The following JPH2 variants were observed in gnomAD, a reference collection of about 807,000 sequenced individuals.
The protein encoded by JPH2 is junctophilin 2, also known as junctophilin-2.
JPH2 carries 38 observed loss-of-function variants against 55.9 expected under a neutral mutation model. The ratio of observed to expected loss-of-function variants is 0.68; its 90% CI spans 0.52 to 0.89. The LOEUF is 0.89. JPH2 is among the 40% of genes least tolerant of loss of function. The pLI, the probability that JPH2 is intolerant of heterozygous loss-of-function variation, is 0.00. For synonymous variants in JPH2, 480 were observed against 472.4 expected, an observed-to-expected ratio of 1.02 and a Z score of -0.21; for missense variants, 964 against 1,037.6, an observed-to-expected ratio of 0.93 and a Z score of 0.97.
chr20:44,177,661 T>A, intron 1 of JPH2: 1 of 1,230,572 alleles, frequency 8.1e-7, no homozygotes, highest in Non-Finnish European at 1.0e-6. Flanking sequence ...ATGCTGATTC[T>A]ACATTCGAAA....
rs908822367 is a variant in JPH2 at position 44,107,381 on chromosome 20, C to T, written c.*6137G>A. The stretch of plus-strand genomic sequence containing the variant: ...CATCCTTCTCTTCTCCCTGAGGACA[C>T]ATGTAGTCCGTATTTCCCAGCCTCC... On this transcript the variant is annotated 3_prime_UTR_variant, in exon 6 of 6. Coordinates refer to ENST00000372980, the MANE Select transcript of JPH2 (RefSeq NM_020433.5). Among the ~76,000 whole-genome samples the T allele has an allele frequency of 4.6e-5, 7 of 152,168 alleles. No individual in the cohort carries two copies. The highest frequency in any genetic ancestry group is 1.7e-4 in the African/African-American group (7 of 41,428).
chr20:44,162,224 T>C (rs2072616028), intron 1 of JPH2, among the ~76,000 whole-genome samples: 1 of 152,218 alleles, frequency 6.6e-6, no homozygotes, highest in South Asian at 2.1e-4. Flanking sequence ...GCAAGATGGC[T>C]GAGTAGACAA....
Position 44,171,412 on chromosome 20 carries a change from AAC to A in JPH2, c.380-11007_380-11006del, listed in dbSNP as rs1468664917. ...ACCCAGCCAGGATCTGTCAGCTGCTAACACTCCTGGCAGCTCGGGGAATGTGT... is the reference window on the plus strand; with the variant it reads ...ACCCAGCCAGGATCTGTCAGCTGCTAACTCCTGGCAGCTCGGGGAATGTGT... On this transcript the variant is annotated intron_variant, in intron 1 of 5. Transcript: ENST00000372980. Among the ~76,000 whole-genome samples, 19 of 152,288 alleles carry A rather than the reference AAC, an allele frequency of 1.2e-4. No homozygotes were observed. The East Asian group carries it at 3.7e-3, about 29-fold the overall frequency.
intron 2 of JPH2, among the ~76,000 whole-genome samples, chr20:44,147,789 G>C (rs1302825395): frequency 6.6e-6 from 1 of 152,200 alleles, no homozygotes; most frequent in Non-Finnish European, 1.5e-5. Context: ...AGCAGCACAG[G>C]GTGGTGGCTC....
chr20:44,162,329 T>G (rs1430828215), intron 1 of JPH2, among the ~76,000 whole-genome samples: 2 of 152,146 alleles, frequency 1.3e-5, no homozygotes, highest in East Asian at 3.8e-4. Context: ...ATCCTTCAAG[T>G]CTTTGCTCAA....
chr20:44,158,060 T>C (rs781280479), intron 2 of JPH2, among the ~76,000 whole-genome samples: 17 of 152,320 alleles, frequency 1.1e-4, no homozygotes, highest in Non-Finnish European at 1.8e-4. Flanking sequence ...TGAGTTAATA[T>C]AGGTAAAGAC....
chr20:44,114,774 G>C lies in JPH2; in HGVS notation c.*14+8C>G. The C allele has an allele frequency of 6.3e-7, 1 of 1,585,282 alleles. No individual in the cohort carries two copies. The highest frequency in any genetic ancestry group is 8.6e-7 in the Non-Finnish European group (1 of 1,164,580). On this transcript the variant is annotated splice_region_variant and intron_variant, in intron 5 of 5. Transcript: ENST00000372980. ...CCCCCAACCCCTCCTCCAGCCAGCT[G>C]GCTGCACCTGGTAAGCGACGGTCAG...
chr20:44,177,111 C>T, intron 1 of JPH2: 2 of 985,562 alleles, frequency 2.0e-6, no homozygotes, highest in Non-Finnish European at 2.4e-6. Flanking sequence ...TCCCTTTAAG[C>T]AGGGAGTGAA....
At chr20:44,128,175 C>G (rs1358185921) in intron 2 of JPH2, among the ~76,000 whole-genome samples, 1 of 152,064 alleles carries the variant, frequency 6.6e-6, no homozygotes, top group Non-Finnish European at 1.5e-5. Flanking sequence ...GAAGGTTTTG[C>G]CTAATCCAAG....
At chr20:44,138,104 C>T (rs1042474324) in intron 2 of JPH2, among the ~76,000 whole-genome samples, 18 of 150,422 alleles carry the variant, frequency 1.2e-4, no homozygotes, top group African/African-American at 4.2e-4. Context: ...GCCTCCCGGG[C>T]TCAAGCAATT....
At position 44,116,189 on chromosome 20, in the gene JPH2, G is replaced by A. The variant is rs863224775; in HGVS notation, c.1486C>T (p.Arg496Trp). The A allele has an allele frequency of 9.4e-6, 13 of 1,390,288 alleles. No individual in the cohort carries two copies. In the African/African-American group the frequency reaches 1.5e-4, roughly 16 times the overall value. 86.1% of individuals were successfully genotyped at this position (1,390,288 alleles called of 1,614,324 possible). The change falls in exon 4 of 6, where the codon CGG (arginine) becomes TGG (tryptophan). Residue 496 changes from arginine to tryptophan, a missense_variant. Coordinates refer to ENST00000372980, the MANE Select transcript of JPH2 (RefSeq NM_020433.5). ...TCCTTGGACACCCCGGGCCTGGGCC[G>A]CTTGGGCTGCGGGGGCGTCCCGGCC... ...SPAGTPPQPKRPRPGVSKDGL... is the reference protein window; with the variant it reads ...SPAGTPPQPKWPRPGVSKDGL...
At position 44,111,997 on chromosome 20, in the gene JPH2, T is replaced by A. The variant is rs930667706; in HGVS notation, c.*1521A>T. 1.3e-5 allele frequency: 2 copies of A among 152,348 alleles called. No individual in the cohort carries two copies. Among genetic ancestry groups the A allele is most frequent in the African/African-American group, 4.8e-5 (2 of 41,454 alleles). 9.4% of individuals were successfully genotyped at this position (152,348 alleles called of 1,614,324 possible). On this transcript the variant is annotated 3_prime_UTR_variant, in exon 6 of 6. Transcript: ENST00000372980. ...TGAGGATGGAAGAATCTGCAGGTTC[T>A]TCTCCATGAAAATACAGTCCTGGAT...
At chr20:44,138,232 T>C (rs1005040710) in intron 2 of JPH2, among the ~76,000 whole-genome samples, 1 of 151,964 alleles carries the variant, frequency 6.6e-6, no homozygotes, top group African/African-American at 2.4e-5. Context: ...GGTCTCGAAC[T>C]CCTGACCTCG....
Position 44,116,021 on chromosome 20 carries a change from G to T in JPH2, c.1654C>A (p.Pro552Thr). The T allele has an allele frequency of 6.3e-7, 1 of 1,580,852 alleles. No homozygotes were observed. Among genetic ancestry groups the T allele is most frequent in the Non-Finnish European group, 8.5e-7 (1 of 1,171,856 alleles). ...ACCTCCGGCTCCCGCGACGGCGCAGGCGGTGCCTGCAGAGCCTCGATGGCC... is the reference window on the plus strand; with the variant it reads ...ACCTCCGGCTCCCGCGACGGCGCAGTCGGTGCCTGCAGAGCCTCGATGGCC... ...RMAIEALQAPPAPSREPEVAL... is the reference protein window; with the variant it reads ...RMAIEALQAPTAPSREPEVAL... The change falls in exon 4 of 6, where the codon CCT becomes ACT. Residue 552 changes from proline to threonine, a missense_variant. By Grantham distance (38) the Pro-to-Thr change is conservative. Transcript: ENST00000372980.
rs775973946 is a variant in JPH2 at position 44,108,223 on chromosome 20, C to T, written c.*5295G>A. On this transcript the variant is annotated 3_prime_UTR_variant, in exon 6 of 6. Transcript: ENST00000372980. ...TCAATGCTGGCAAGGTAACAGATAC[C>T]GAGGACACGGGTGTTTAGCATTTGG... 5.3e-5 allele frequency among the ~76,000 whole-genome samples: 8 copies of T among 152,166 alleles called. No individual in the cohort carries two copies. The highest frequency in any genetic ancestry group is 1.2e-4 in the Non-Finnish European group (8 of 68,022).
At chr20:44,117,942 CA>C (rs1181387619) in intron 3 of JPH2, among the ~76,000 whole-genome samples, 2 of 152,242 alleles carry the variant, frequency 1.3e-5, no homozygotes, top group African/African-American at 4.8e-5. Context: ...TACCATTTTA[CA>C]GATCAGGAAA....
At chr20:44,134,897 T>C (rs1239869408) in intron 2 of JPH2, among the ~76,000 whole-genome samples, 2 of 37,402 alleles carry the variant, frequency 5.3e-5, no homozygotes, top group African/African-American at 1.1e-4. Flanking sequence ...TTAATATATA[T>C]TTATATATAT....
chr20:44,113,500 G>A lies in JPH2; in HGVS notation c.*18C>T, dbSNP rs2072162274. The A allele has an allele frequency of 6.6e-6, 1 of 152,146 alleles. No individual in the cohort carries two copies. The highest frequency in any genetic ancestry group is 1.5e-5 in the Non-Finnish European group (1 of 68,090). The allele number at this position is 152,146 out of a possible 1,614,324, so 9.4% of individuals were successfully genotyped here. On this transcript the variant is annotated 3_prime_UTR_variant, in exon 6 of 6. Coordinates refer to ENST00000372980, the MANE Select transcript of JPH2 (RefSeq NM_020433.5). ...CCTCATGTCCTCAGCAGGAACTTCT[G>A]GCTCTGCAAAGAGACAGCAAAAGGG...
At chr20:44,141,652 C>T (rs1010237015) in intron 2 of JPH2, among the ~76,000 whole-genome samples, 23 of 152,070 alleles carry the variant, frequency 1.5e-4, no homozygotes, top group East Asian at 3.9e-4. Context: ...CATGCTACCA[C>T]GCCTAGCTAA....
Sources: gnomAD v4.1 joint callset for allele counts (sites outside exome capture counted in the v4.1 genomes callset) on GRCh38, gnomAD v4.1.1 for gene constraint, MANE v1.5 for transcripts, NCBI Gene and HGNC (gene_info 2026-07-23, HGNC 2026-07-21) for gene names.